PTPRD: variants seen among roughly 807,000 people sequenced by gnomAD.
PTPRD encodes protein tyrosine phosphatase receptor type D, also known as receptor-type tyrosine-protein phosphatase delta.
Under a neutral mutation model 214.5 loss-of-function variants are expected in PTPRD, and 34 were observed. The observed-to-expected ratio is 0.16, with a 90% CI of 0.12 to 0.21. PTPRD has a LOEUF of 0.21. PTPRD is among the 10% of genes least tolerant of loss of function. The pLI is 1.00. For missense variants in PTPRD, 2,545 were observed against 2,398.7 expected (o/e 1.06, Z -1.27); for synonymous variants, 1,128 against 845.7 (o/e 1.33, Z -5.79).
chr9:8,548,255 G>A (rs1191370154), intron 14 of PTPRD, among the ~76,000 whole-genome samples: 1 of 152,198 alleles, frequency 6.6e-6, no homozygotes, highest in Non-Finnish European at 1.5e-5. Context: ...GGGGTAGGAA[G>A]ACAGTGTGCA....
intron 9 of PTPRD, among the ~76,000 whole-genome samples, chr9:9,269,848 T>G (rs1336840691): frequency 1.3e-5 from 2 of 150,848 alleles, no homozygotes; most frequent in Non-Finnish European, 3.0e-5. Context: ...TAACCTGAGG[T>G]TGGGGGTGGT....
At chr9:9,112,587 C>G (rs979060362) in intron 10 of PTPRD, among the ~76,000 whole-genome samples, 1 of 152,124 alleles carries the variant, frequency 6.6e-6, no homozygotes, top group Non-Finnish European at 1.5e-5. Context: ...CCTCTGGTGG[C>G]TTTACTCTCT....
chr9:9,483,490 G>A (rs575464889), intron 8 of PTPRD, among the ~76,000 whole-genome samples: 8 of 152,182 alleles, frequency 5.3e-5, no homozygotes, highest in South Asian at 2.1e-4. Context: ...ATAAAAATAC[G>A]GAAGTTTTCA....
chr9:10,478,971 A>G (rs1042583969), intron 2 of PTPRD, among the ~76,000 whole-genome samples: 2 of 152,106 alleles, frequency 1.3e-5, no homozygotes, highest in Non-Finnish European at 2.9e-5. Context: ...AGAAATATTA[A>G]TAATTGAATA....
chr9:8,864,263 G>A (rs2098156981), intron 11 of PTPRD, among the ~76,000 whole-genome samples: 1 of 152,112 alleles, frequency 6.6e-6, no homozygotes, highest in Admixed American at 6.5e-5. Context: ...TTAAGAGAAA[G>A]ATACAAAAGT....
chr9:9,216,539 G>A (rs1002899141), intron 9 of PTPRD, among the ~76,000 whole-genome samples: 14 of 152,170 alleles, frequency 9.2e-5, no homozygotes, highest in East Asian at 3.9e-4. Context: ...CTACACAGCC[G>A]TCATCTTCCA....
chr9:8,651,124 T>C (rs2096798103), intron 12 of PTPRD, among the ~76,000 whole-genome samples: 1 of 152,218 alleles, frequency 6.6e-6, no homozygotes, highest in Admixed American at 6.5e-5. Flanking sequence ...CCAAATTCTT[T>C]TTTAGAGTGA....
chr9:10,334,004 T>TA (rs1235426076), intron 3 of PTPRD, among the ~76,000 whole-genome samples: 3 of 151,732 alleles, frequency 2.0e-5, no homozygotes, highest in South Asian at 2.1e-4. Flanking sequence ...CTTCTTAACA[T>TA]AAAAAATGAA....
At chr9:10,031,499 C>T (rs1016163122) in intron 4 of PTPRD, among the ~76,000 whole-genome samples, 12 of 151,242 alleles carry the variant, frequency 7.9e-5, no homozygotes, top group Non-Finnish European at 1.3e-4. Flanking sequence ...ATGCTTCCTG[C>T]CCTGGAACAT....
At chr9:9,182,837 T>C (rs1241255954) in intron 10 of PTPRD, among the ~76,000 whole-genome samples, 1 of 151,954 alleles carries the variant, frequency 6.6e-6, no homozygotes, top group Non-Finnish European at 1.5e-5. Context: ...CACTAATCTG[T>C]TTTCTCACTT....
chr9:9,928,630 A>G (rs1481150449), intron 5 of PTPRD, among the ~76,000 whole-genome samples: 3 of 152,124 alleles, frequency 2.0e-5, no homozygotes, highest in Non-Finnish European at 4.4e-5. Flanking sequence ...TGTTATTAGA[A>G]TATTAACTAA....
At chr9:10,175,891 T>C (rs148490973) in intron 3 of PTPRD, among the ~76,000 whole-genome samples, 119 of 152,098 alleles carry the variant, frequency 7.8e-4, no homozygotes, top group African/African-American at 2.7e-3. Flanking sequence ...TCCACATGGA[T>C]ACAATAAGAC....
At chr9:10,208,284 G>C (rs1447276273) in intron 3 of PTPRD, among the ~76,000 whole-genome samples, 1 of 152,224 alleles carries the variant, frequency 6.6e-6, no homozygotes, top group Non-Finnish European at 1.5e-5. Context: ...GGTGGCCGAG[G>C]AGGGCGGATC....
rs979306528 is a variant in PTPRD at position 9,933,455 on chromosome 9, C to A, written c.-368+5052G>T. Among the ~76,000 whole-genome samples, 161 of 151,802 alleles carry A rather than the reference C, an allele frequency of 1.1e-3. 5 individuals are homozygous for A. The highest frequency in any genetic ancestry group is 3.5e-3 in the African/African-American group (145 of 41,000). ...AGTTTCTGATAAAACAGACTTTAAA[C>A]CAACAAAGATCAAAAGAGACAAAGA... is the stretch of plus-strand genomic sequence containing the variant. On this transcript the variant is annotated intron_variant, in intron 5 of 45. Transcript: ENST00000381196.
rs966970770 is a variant in PTPRD, at chr9:9,970,368, T to A, written c.-471-31758A>T. ...GGGAGGCTGAGGCAGGAGAATGGCG[T>A]GAACCCGGGAGGCGGAGCTTGCAGT... On this transcript the variant is annotated intron_variant, in intron 4 of 45. Transcript: ENST00000381196. Among the ~76,000 whole-genome samples the A allele has an allele frequency of 1.1e-4, 15 of 139,222 alleles. 1 individual carries two copies. The allele number at this position is 139,222 out of a possible 152,430, so 91.3% of individuals were successfully genotyped here.
chr9:10,226,610 C>T lies in PTPRD; in HGVS notation c.-545+114353G>A, dbSNP rs151034566. On this transcript the variant is annotated intron_variant, in intron 3 of 45. Transcript: ENST00000381196. ...TAAAACCAATATGGATTTCAAGATG[C>T]GAACCAAACCGCATTAAATCTCAAG... is the stretch of plus-strand genomic sequence containing the variant. 4.5e-3 allele frequency among the ~76,000 whole-genome samples: 683 copies of T among 152,074 alleles called. 1 individual carries two copies. The highest frequency in any genetic ancestry group is 0.016 in the African/African-American group (655 of 41,518).
chr9:10,395,307 T>C (rs1049619601), intron 2 of PTPRD, among the ~76,000 whole-genome samples: 3 of 149,636 alleles, frequency 2.0e-5, no homozygotes, highest in Non-Finnish European at 3.0e-5. Flanking sequence ...TGTGTCCAAG[T>C]GTTCTCATTG....
intron 7 of PTPRD, among the ~76,000 whole-genome samples, chr9:9,664,455 T>G (rs2096677358): frequency 1.3e-5 from 2 of 151,778 alleles, no homozygotes; most frequent in Middle Eastern, 3.4e-3. Context: ...AAACCAGATC[T>G]GACATATCTG....
At chr9:9,614,184 T>C (rs1168752077) in intron 7 of PTPRD, among the ~76,000 whole-genome samples, 1 of 151,906 alleles carries the variant, frequency 6.6e-6, no homozygotes, top group Non-Finnish European at 1.5e-5. Context: ...AAGTTTATGA[T>C]TGCCAGAGAT....
Sources: gnomAD v4.1 joint callset for allele counts (sites outside exome capture counted in the v4.1 genomes callset) on GRCh38, gnomAD v4.1.1 for gene constraint, MANE v1.5 for transcripts, NCBI Gene and HGNC (gene_info 2026-07-23, HGNC 2026-07-21) for gene names.